The following BTBD10 variants were observed in gnomAD, a reference collection of about 807,000 sequenced individuals.
The protein encoded by BTBD10 is BTB domain containing 10.
A neutral mutation model predicts 53.2 loss-of-function variants in BTBD10; 21 were observed. The observed-to-expected ratio is 0.39, with a 90% CI of 0.28 to 0.57. BTBD10 has a LOEUF of 0.57. BTBD10 is among the 20% of genes least tolerant of loss of function. The pLI, the probability that BTBD10 is intolerant of heterozygous loss-of-function variation, is 0.53. For synonymous variants in BTBD10, 149 were observed against 192.7 expected (o/e 0.77, Z 1.88); for missense variants, 360 against 594.7 (o/e 0.61, Z 4.10).
intron 6 of BTBD10, among the ~76,000 whole-genome samples, chr11:13,408,027 C>T (rs1481005774): frequency 6.6e-6 from 1 of 152,148 alleles, no homozygotes; most frequent in African/African-American, 2.4e-5. Flanking sequence ...GTGAGCCACC[C>T]CAGCCCATCA....
At chr11:13,440,040 C>T (rs1296877525) in intron 2 of BTBD10, 1 of 1,531,724 alleles carries the variant, frequency 6.5e-7, no homozygotes, top group South Asian at 1.2e-5. Context: ...CTGATATTTC[C>T]ATCATCTTCA....
At chr11:13,404,104 A>G (rs887046439) in intron 7 of BTBD10, among the ~76,000 whole-genome samples, 2 of 152,096 alleles carry the variant, frequency 1.3e-5, no homozygotes, top group African/African-American at 4.8e-5. Flanking sequence ...ACGTATATAA[A>G]CTCTACTCAT....
At chr11:13,427,812 AAC>A (rs1185857177) in intron 2 of BTBD10, among the ~76,000 whole-genome samples, 4 of 152,240 alleles carry the variant, frequency 2.6e-5, no homozygotes, top group Non-Finnish European at 4.4e-5. Flanking sequence ...AAAATTCAAT[AAC>A]AGAGATACCT....
At chr11:13,402,565 CTT>C (rs1344555764) in intron 8 of BTBD10, among the ~76,000 whole-genome samples, 1 of 152,106 alleles carries the variant, frequency 6.6e-6, no homozygotes, top group Admixed American at 6.6e-5. Context: ...AATTAAGACA[CTT>C]TGTTCCTCTT....
intron 6 of BTBD10, among the ~76,000 whole-genome samples, chr11:13,411,458 GT>G (rs947085320): frequency 1.6e-4 from 24 of 151,504 alleles, no homozygotes; most frequent in African/African-American, 2.2e-4. Context: ...ATTCTATATA[GT>G]TTTTTTTTAA....
At chr11:13,422,450 C>T (rs749937387) in intron 2 of BTBD10, among the ~76,000 whole-genome samples, 3 of 152,088 alleles carry the variant, frequency 2.0e-5, no homozygotes, top group Non-Finnish European at 2.9e-5. Flanking sequence ...GAGTTCGAGA[C>T]CAGCCTGGCC....
At chr11:13,433,541 A>G (rs1950492142) in intron 2 of BTBD10, among the ~76,000 whole-genome samples, 2 of 152,232 alleles carry the variant, frequency 1.3e-5, no homozygotes, top group Admixed American at 1.3e-4. Context: ...TTATATTAAT[A>G]TATTTTTGAA....
chr11:13,389,724 C>G (rs1168336129), intron 8 of BTBD10, among the ~76,000 whole-genome samples: 1 of 152,210 alleles, frequency 6.6e-6, no homozygotes, highest in African/African-American at 2.4e-5. Context: ...ATGCCGGCCT[C>G]TAGCTACGTA....
intron 6 of BTBD10, among the ~76,000 whole-genome samples, chr11:13,412,317 G>A (rs79323884): frequency 0.034 from 5,159 of 152,168 alleles, 284 homozygotes; most frequent in African/African-American, 0.12. Context: ...GCCAGGTGTG[G>A]TGATGGGTGC....
intron 7 of BTBD10, 68 bp downstream of exon 7, chr11:13,405,591 T>A: frequency 6.4e-7 from 1 of 1,565,942 alleles, no homozygotes; most frequent in Non-Finnish European, 8.8e-7. Flanking sequence ...TGAGAAGAGC[T>A]CTTCTTTACA....
chr11:13,420,277 C>T (rs1025162441), intron 3 of BTBD10, among the ~76,000 whole-genome samples: 2 of 151,196 alleles, frequency 1.3e-5, no homozygotes, highest in East Asian at 1.9e-4. Flanking sequence ...CCCTTTCCCC[C>T]ACAAAAAAAG....
chr11:13,425,472 G>GA (rs1398471134), intron 2 of BTBD10, among the ~76,000 whole-genome samples: 1 of 151,362 alleles, frequency 6.6e-6, no homozygotes, highest in Non-Finnish European at 1.5e-5. Flanking sequence ...AACCCATGAG[G>GA]AAAAAAAACA....
intron 4 of BTBD10, among the ~76,000 whole-genome samples, chr11:13,418,897 C>T (rs1591126197): frequency 1.3e-5 from 2 of 150,864 alleles, no homozygotes; most frequent in East Asian, 3.9e-4. Context: ...TTAAATTGAT[C>T]TATTACTCTG....
At chr11:13,446,855 T>C (rs1950756826) in intron 1 of BTBD10, among the ~76,000 whole-genome samples, 1 of 152,106 alleles carries the variant, frequency 6.6e-6, no homozygotes, top group Non-Finnish European at 1.5e-5. Flanking sequence ...AACCTCAATT[T>C]TACTTTATGA....
rs1419455698 is a variant in BTBD10 at position 13,414,701 on chromosome 11, G to A, written c.688-1051C>T. Among the ~76,000 whole-genome samples, 7 of 150,870 alleles carry A rather than the reference G, an allele frequency of 4.6e-5. 1 individual carries two copies. In the South Asian group the frequency reaches 6.3e-4, roughly 14 times the overall value. On this transcript the variant is annotated intron_variant, in intron 5 of 8. Coordinates refer to ENST00000278174, the MANE Select transcript of BTBD10 (RefSeq NM_032320.7). ...AAAAGAATACAAAAATTAGCCAGGC[G>A]TGGTGGTGCACACCTGTAATCCTAG...
At chr11:13,412,023 G>C (rs1255544846) in intron 6 of BTBD10, among the ~76,000 whole-genome samples, 1 of 152,132 alleles carries the variant, frequency 6.6e-6, no homozygotes, top group East Asian at 1.9e-4. Flanking sequence ...TAGAGAAGAG[G>C]TTTCTCCATG....
intron 1 of BTBD10, among the ~76,000 whole-genome samples, chr11:13,447,960 A>C (rs1950779926): frequency 1.3e-5 from 2 of 152,172 alleles, no homozygotes; most frequent in Admixed American, 1.3e-4. Flanking sequence ...TTTATCAATA[A>C]GCTAAGTTAT....
chr11:13,399,548 G>A (rs149579393), intron 8 of BTBD10, among the ~76,000 whole-genome samples: 2,197 of 152,180 alleles, frequency 0.014, 50 homozygotes, highest in African/African-American at 0.05. Context: ...CTCTCAACTC[G>A]TCAAAGTCAT....
intron 2 of BTBD10, among the ~76,000 whole-genome samples, chr11:13,434,581 G>C (rs1030294405): frequency 3.3e-5 from 5 of 152,216 alleles, no homozygotes; most frequent in Non-Finnish European, 5.9e-5. Context: ...GGCATTGAAG[G>C]AATGTTTAAA....
Sources: allele counts gnomAD v4.1 joint callset (sites outside exome capture counted in the v4.1 genomes callset), GRCh38; gene constraint gnomAD v4.1.1; transcripts MANE v1.5; gene names NCBI Gene and HGNC (gene_info 2026-07-23, HGNC 2026-07-21).